RAD51B: variants seen among roughly 807,000 people sequenced by gnomAD.
The protein encoded by RAD51B is DNA repair protein RAD51 homolog 2.
Under a neutral mutation model 42.2 loss-of-function variants are expected in RAD51B, and 38 were observed. That is an observed-to-expected ratio of 0.90 (90% CI 0.70 to 1.18). RAD51B has a LOEUF of 1.18. Ranked by LOEUF, RAD51B falls within the 50% of genes most tolerant of loss-of-function variation. The pLI, the probability that RAD51B is intolerant of heterozygous loss-of-function variation, is 0.00. For synonymous variants in RAD51B, 154 were observed against 145.2 expected (o/e 1.06, Z -0.43); for missense variants, 373 against 400.7 (o/e 0.93, Z 0.59).
intron 11 of RAD51B, among the ~76,000 whole-genome samples, chr14:68,668,918 C>T (rs1445818280): frequency 6.6e-6 from 1 of 152,208 alleles, no homozygotes; most frequent in Non-Finnish European, 1.5e-5. Context: ...GATGGGTTTT[C>T]CCGAAAGACC....
At chr14:68,109,681 A>T (rs934807078) in intron 7 of RAD51B, among the ~76,000 whole-genome samples, 2 of 151,990 alleles carry the variant, frequency 1.3e-5, no homozygotes, top group African/African-American at 2.4e-5. Context: ...GCAAGGAGCC[A>T]TGGTTCTGAA....
intron 10 of RAD51B, among the ~76,000 whole-genome samples, chr14:68,617,088 G>T (rs1209035832): frequency 1.3e-5 from 2 of 151,762 alleles, no homozygotes; most frequent in Admixed American, 6.6e-5. Flanking sequence ...CTTTTTTCCT[G>T]ATATGGGTCA....
intron 8 of RAD51B, among the ~76,000 whole-genome samples, chr14:68,368,953 G>A (rs567492272): frequency 4.5e-4 from 68 of 152,276 alleles, no homozygotes; most frequent in African/African-American, 1.6e-3. Context: ...GGTAGCTGCC[G>A]GAATCTGGTT....
At chr14:68,112,983 T>C (rs918089089) in intron 7 of RAD51B, among the ~76,000 whole-genome samples, 1 of 152,178 alleles carries the variant, frequency 6.6e-6, no homozygotes, top group Non-Finnish European at 1.5e-5. Context: ...TAAAGTTCTC[T>C]GAACTTGTAA....
At chr14:68,279,418 A>G (rs2139617775) in intron 7 of RAD51B, among the ~76,000 whole-genome samples, 1 of 152,304 alleles carries the variant, frequency 6.6e-6, no homozygotes, top group South Asian at 2.1e-4. Context: ...CAGTGTTTCC[A>G]GCTTCTGTGT....
intron 7 of RAD51B, among the ~76,000 whole-genome samples, chr14:68,261,642 A>C (rs556591664): frequency 6.6e-6 from 1 of 152,188 alleles, no homozygotes; most frequent in African/African-American, 2.4e-5. Flanking sequence ...GGTTTAAGGG[A>C]TTTTCCAGGG....
rs185723523 is a variant in RAD51B at position 68,396,045 on chromosome 14, G to T, written c.854-15379G>T. On this transcript the variant is annotated intron_variant, in intron 8 of 10. Transcript: ENST00000471583. ...CATGGGAAATATCTAAAACAAGGAC[G>T]GACTCCTGGCTGTGGCTGCCTGTCA... Among the ~76,000 whole-genome samples, 17 of 152,088 alleles carry T rather than the reference G, an allele frequency of 1.1e-4. 1 individual carries two copies. Among genetic ancestry groups the T allele is most frequent in the Admixed American group, 1.1e-3 (17 of 15,266 alleles).
chr14:68,499,123 G>A (rs944356423), intron 10 of RAD51B, among the ~76,000 whole-genome samples: 2 of 152,162 alleles, frequency 1.3e-5, no homozygotes, highest in Non-Finnish European at 2.9e-5. Context: ...GTTTCTGGTG[G>A]GGCTTTGCCA....
At chr14:68,036,140 A>G (rs1253164318) in intron 7 of RAD51B, among the ~76,000 whole-genome samples, 1 of 152,254 alleles carries the variant, frequency 6.6e-6, no homozygotes, top group Non-Finnish European at 1.5e-5. Flanking sequence ...TACAAGATCA[A>G]AGCTTTTATG....
intron 10 of RAD51B, among the ~76,000 whole-genome samples, chr14:68,556,281 C>G (rs1317374140): frequency 6.6e-6 from 1 of 152,212 alleles, no homozygotes; most frequent in Non-Finnish European, 1.5e-5. Flanking sequence ...CTTGGGCACC[C>G]TGATGCCTGT....
At chr14:68,107,545 G>T (rs908134039) in intron 7 of RAD51B, among the ~76,000 whole-genome samples, 1 of 151,754 alleles carries the variant, frequency 6.6e-6, no homozygotes, top group East Asian at 1.9e-4. Context: ...AAAGTTGGAA[G>T]ACTCATATTT....
chr14:68,359,461 A>G (rs2082974886), intron 8 of RAD51B, among the ~76,000 whole-genome samples: 1 of 152,054 alleles, frequency 6.6e-6, no homozygotes, highest in Non-Finnish European at 1.5e-5. Flanking sequence ...AAACGGGGGC[A>G]ATCACTGGGG....
At chr14:67,961,516 A>G (rs535899618) in intron 7 of RAD51B, among the ~76,000 whole-genome samples, 171 of 152,320 alleles carry the variant, frequency 1.1e-3, no homozygotes, top group Non-Finnish European at 2.0e-3. Flanking sequence ...ACTGAACACC[A>G]TACACATAGC....
chr14:68,464,740 T>C (rs1367194426), intron 9 of RAD51B, among the ~76,000 whole-genome samples: 1 of 152,234 alleles, frequency 6.6e-6, no homozygotes, highest in Non-Finnish European at 1.5e-5. Flanking sequence ...TTATTGGTGC[T>C]AGCCCTCTGA....
chr14:68,535,559 C>G (rs370922824), intron 10 of RAD51B, among the ~76,000 whole-genome samples: 3 of 152,286 alleles, frequency 2.0e-5, no homozygotes, highest in East Asian at 3.9e-4. Flanking sequence ...GAGCTTACAG[C>G]AGGCCTTAGG....
rs537712113 is a variant in RAD51B, at chr14:67,943,597, G to A, written c.756+56393G>A. 7.8e-4 allele frequency among the ~76,000 whole-genome samples: 118 copies of A among 152,222 alleles called. 2 individuals are homozygous for A. The highest frequency in any genetic ancestry group is 3.1e-4 in the Non-Finnish European group (21 of 68,000). ...GTTATTTTTAACGGTTGGCTCTGGA[G>A]TTGACATTCATTTATTTTAAAAGAA... On this transcript the variant is annotated intron_variant, in intron 7 of 10. Coordinates refer to ENST00000471583, the MANE Select transcript of RAD51B (RefSeq NM_133510.4).
chr14:68,268,346 C>T (rs2081034130), intron 7 of RAD51B, among the ~76,000 whole-genome samples: 1 of 152,126 alleles, frequency 6.6e-6, no homozygotes, highest in Non-Finnish European at 1.5e-5. Context: ...GACAACTGAT[C>T]ACCAGCACGT....
chr14:68,041,033 G>C lies in RAD51B; in HGVS notation c.756+153829G>C, dbSNP rs143586553. On this transcript the variant is annotated intron_variant, in intron 7 of 10. Transcript: ENST00000471583. Reference sequence around the variant, plus strand: ...TTGAACTATAATTCCCAGTGTTGTGGGAGGGACCTGGTGGGAAGTGATTGG... The same window carrying C: ...TTGAACTATAATTCCCAGTGTTGTGCGAGGGACCTGGTGGGAAGTGATTGG... 6.3e-3 allele frequency among the ~76,000 whole-genome samples: 965 copies of C among 152,270 alleles called. 9 individuals are homozygous for C. The highest frequency in any genetic ancestry group is 0.022 in the African/African-American group (914 of 41,542).
chr14:68,221,460 A>C (rs149679617), intron 7 of RAD51B, among the ~76,000 whole-genome samples: 1 of 152,370 alleles, frequency 6.6e-6, no homozygotes, highest in East Asian at 1.9e-4. Flanking sequence ...CTATTCAACA[A>C]ATGGTGCTGG....
Sources: allele counts gnomAD v4.1 joint callset (sites outside exome capture counted in the v4.1 genomes callset), GRCh38; gene constraint gnomAD v4.1.1; transcripts MANE v1.5; gene names NCBI Gene and HGNC (gene_info 2026-07-23, HGNC 2026-07-21).